Variants in AGBL1 observed in about 807,000 individuals in gnomAD.
The protein encoded by AGBL1 is cytosolic carboxypeptidase 4.
In AGBL1, 130 loss-of-function variants were observed where a neutral mutation model predicts 118.9. The observed-to-expected ratio is 1.09, with a 90% CI of 0.95 to 1.26. The LOEUF (loss-of-function observed/expected upper bound fraction) is 1.26. Ranked by LOEUF, AGBL1 falls within the 50% of genes most tolerant of loss-of-function variation. The pLI, the probability that AGBL1 is intolerant of heterozygous loss-of-function variation, is 0.00. For synonymous variants in AGBL1, 555 were observed against 478.9 expected, an observed-to-expected ratio of 1.16 and a Z score of -2.08; for missense variants, 1,584 against 1,298.1, an observed-to-expected ratio of 1.22 and a Z score of -3.38.
At chr15:86,109,703 T>C (rs887934699) in intron 1 of AGBL1, 1 of 152,238 alleles carries the variant, frequency 6.6e-6, no homozygotes, top group Non-Finnish European at 1.5e-5. Flanking sequence ...CTGTGAGTTT[T>C]GAAAGAGCAT....
At chr15:86,543,705 GC>G (rs2083536301) in intron 19 of AGBL1, among the ~76,000 whole-genome samples, 1 of 152,182 alleles carries the variant, frequency 6.6e-6, no homozygotes, top group Non-Finnish European at 1.5e-5. Context: ...ATGACAGGGA[GC>G]AGAACCAGGG....
chr15:86,837,848 G>A (rs1265261428), intron 22 of AGBL1, among the ~76,000 whole-genome samples: 1 of 152,134 alleles, frequency 6.6e-6, no homozygotes, highest in Non-Finnish European at 1.5e-5. Context: ...CTTTCTTTCA[G>A]GCTAGTTCTG....
At chr15:86,589,432 G>A (rs1480347466) in intron 21 of AGBL1, among the ~76,000 whole-genome samples, 1 of 152,164 alleles carries the variant, frequency 6.6e-6, no homozygotes, top group African/African-American at 2.4e-5. Context: ...GGTTAAATTT[G>A]TAGACATTTT....
intron 17 of AGBL1, among the ~76,000 whole-genome samples, chr15:86,359,715 C>T (rs1440432080): frequency 6.6e-6 from 1 of 151,916 alleles, no homozygotes; most frequent in African/African-American, 2.4e-5. Flanking sequence ...CCTTAATTTC[C>T]TTCACCAATA....
chr15:86,869,764 C>T lies in AGBL1; in HGVS notation c.3159-37323C>T, dbSNP rs185803633. Reference sequence around the variant, plus strand: ...TGACAAGGAGGGCCATGTACCAAGCCCTTGGCTAAGTACTTCACATACCTT... The same window carrying T: ...TGACAAGGAGGGCCATGTACCAAGCTCTTGGCTAAGTACTTCACATACCTT... On this transcript the variant is annotated intron_variant, in intron 22 of 22. Coordinates refer to ENST00000614907, the MANE Select transcript of AGBL1 (RefSeq NM_001386094.1). Among the ~76,000 whole-genome samples the T allele has an allele frequency of 5.3e-5, 8 of 152,282 alleles. No homozygotes were observed. The East Asian group carries it at 1.5e-3, about 29-fold the overall frequency.
intron 18 of AGBL1, among the ~76,000 whole-genome samples, chr15:86,410,878 TTATAATATATATTA>T (rs1468021403): frequency 2.5e-5 from 2 of 79,574 alleles, no homozygotes; most frequent in Non-Finnish European, 4.8e-5. Flanking sequence ...ATAATATATA[TTATAATATATATTA>T]TATAATATTA....
At chr15:86,573,013 A>G (rs1456235999) in intron 21 of AGBL1, among the ~76,000 whole-genome samples, 2 of 152,238 alleles carry the variant, frequency 1.3e-5, no homozygotes, top group Non-Finnish European at 2.9e-5. Context: ...CTAAATGTAA[A>G]TGAGAACTTT....
intron 17 of AGBL1, among the ~76,000 whole-genome samples, chr15:86,329,263 G>A (rs1373940531): frequency 6.6e-6 from 1 of 151,698 alleles, no homozygotes; most frequent in Non-Finnish European, 1.5e-5. Flanking sequence ...GCACCCACTT[G>A]CCTGGACCAG....
intron 21 of AGBL1, among the ~76,000 whole-genome samples, chr15:86,650,146 C>G (rs2085346461): frequency 6.6e-6 from 1 of 152,168 alleles, no homozygotes; most frequent in Admixed American, 6.5e-5. Context: ...AAGAGACCAG[C>G]AGTTTTTCTA....
At chr15:86,312,855 G>A (rs1302429886) in intron 17 of AGBL1, among the ~76,000 whole-genome samples, 3 of 152,154 alleles carry the variant, frequency 2.0e-5, no homozygotes, top group African/African-American at 7.2e-5. Flanking sequence ...CTCCCCTCAG[G>A]CAGGATCATT....
intron 6 of AGBL1, among the ~76,000 whole-genome samples, chr15:86,238,317 A>G (rs1306048480): frequency 6.6e-6 from 1 of 152,192 alleles, no homozygotes; most frequent in Non-Finnish European, 1.5e-5. Flanking sequence ...TGCCTGGAAC[A>G]ACTGGTATAT....
chr15:86,278,693 C>CA (rs2079299151), intron 15 of AGBL1, among the ~76,000 whole-genome samples: 1 of 152,106 alleles, frequency 6.6e-6, no homozygotes, highest in African/African-American at 2.4e-5. Context: ...TCTAAATGTT[C>CA]AAAGGTGGAA....
rs570877266 is a variant in AGBL1, at chr15:86,570,729, G to T, written c.2994+16192G>T. ...GCCCCAGCTTGTGCAGCTATTTCAG[G>T]TTTCCTTTTGCTATTCATGTTTTTA... On this transcript the variant is annotated intron_variant, in intron 21 of 22. Transcript: ENST00000614907. Among the ~76,000 whole-genome samples, 12 of 152,220 alleles carry T rather than the reference G, an allele frequency of 7.9e-5. No individual in the cohort carries two copies. In the East Asian group the frequency reaches 2.3e-3, roughly 29 times the overall value.
At chr15:86,972,951 C>A (rs1193972072) in intron 23 of AGBL1, among the ~76,000 whole-genome samples, 2 of 151,884 alleles carry the variant, frequency 1.3e-5, no homozygotes, top group Non-Finnish European at 2.9e-5. Flanking sequence ...TCATTATAAT[C>A]TTGGTATAAG....
chr15:86,626,764 G>A (rs16977878), intron 21 of AGBL1, among the ~76,000 whole-genome samples: 4,632 of 152,044 alleles, frequency 0.03, 222 homozygotes, highest in African/African-American at 0.1. Flanking sequence ...ATCATATTGT[G>A]GAGAGCCTTC....
At chr15:86,559,386 T>C (rs553002548) in intron 21 of AGBL1, among the ~76,000 whole-genome samples, 1 of 152,312 alleles carries the variant, frequency 6.6e-6, no homozygotes, top group Non-Finnish European at 1.5e-5. Flanking sequence ...TGTCTCCATA[T>C]TGCCATGTGG....
rs574843912 is a variant in AGBL1 at position 86,922,109 on chromosome 15, TAACTAGTTTATAATCATA to T, written c.3222-65875_3222-65858del. 3.7e-4 allele frequency among the ~76,000 whole-genome samples: 56 copies of T among 152,306 alleles called. 1 individual carries two copies. The highest frequency in any genetic ancestry group is 2.5e-3 in the South Asian group (12 of 4,822). ...GGATGAAGATATATCCTTAAAGGTA[TAACTAGTTTATAATCATA>T]AATTAGAAGAAAAAAGGCTAATAAA... On this transcript the variant is annotated intron_variant, in intron 23 of 24. Transcript: ENST00000441037.
intron 22 of AGBL1, among the ~76,000 whole-genome samples, chr15:86,749,134 A>G (rs1046515660): frequency 2.6e-5 from 4 of 152,252 alleles, no homozygotes; most frequent in Admixed American, 2.0e-4. Flanking sequence ...GATTCTTCCT[A>G]TCAATGAGCA....
chr15:86,564,183 C>G (rs1201676525), intron 21 of AGBL1, among the ~76,000 whole-genome samples: 4 of 152,124 alleles, frequency 2.6e-5, no homozygotes, highest in Non-Finnish European at 5.9e-5. Context: ...ATAATGTTAA[C>G]TGGTTATTTT....
Sources: allele counts gnomAD v4.1 joint callset (sites outside exome capture counted in the v4.1 genomes callset), GRCh38; gene constraint gnomAD v4.1.1; transcripts MANE v1.5; gene names NCBI Gene and HGNC (gene_info 2026-07-23, HGNC 2026-07-21).